The following LAMA4 variants were observed in gnomAD, a reference collection of about 807,000 sequenced individuals.
LAMA4 encodes laminin subunit alpha 4.
Under a neutral mutation model 207.1 loss-of-function variants are expected in LAMA4, and 127 were observed. That is an observed-to-expected ratio of 0.61 (90% CI 0.53 to 0.71). The LOEUF is 0.71. Among genes scored for constraint, LAMA4 ranks in the 30% least tolerant of loss-of-function variants. The probability of loss-of-function intolerance (pLI) is 0.00; values close to 1 mark genes in which losing one functional copy is unlikely to be tolerated. For synonymous variants in LAMA4, 761 were observed against 816.0 expected, an observed-to-expected ratio of 0.93 and a Z score of 1.15; for missense variants, 2,093 against 2,246.5, an observed-to-expected ratio of 0.93 and a Z score of 1.38.
In LAMA4 at chr6:112,112,682, G is replaced by A. The variant is rs1777771778; in HGVS notation, c.5326+1394C>T. 1.1e-4 allele frequency among the ~76,000 whole-genome samples: 17 copies of A among 152,250 alleles called. No individual in the cohort carries two copies. In the South Asian group the frequency reaches 3.5e-3, roughly 32 times the overall value. The stretch of plus-strand genomic sequence containing the variant: ...AGACAAAGGAGAAGAGTTGCTTTGC[G>A]AGGGTCTCAAATATTTTTTTTCACA... On this transcript the variant is annotated intron_variant, in intron 38 of 38. Coordinates refer to ENST00000230538, the MANE Select transcript of LAMA4 (RefSeq NM_001105206.3).
At chr6:112,160,706 T>A (rs1403066803) in intron 13 of LAMA4, among the ~76,000 whole-genome samples, 1 of 152,146 alleles carries the variant, frequency 6.6e-6, no homozygotes, top group Admixed American at 6.5e-5. Flanking sequence ...ATCTCCTGGG[T>A]CTCCTCTTTC....
intron 29 of LAMA4, chr6:112,130,300 T>TTGTGTGTGTGTGTGTGTGTGTG (rs35563593): frequency 3.7e-5 from 14 of 382,136 alleles, no homozygotes; most frequent in Non-Finnish European, 3.9e-5. Context: ...AGCATTATTT[T>TTGTGTGTGTGTGTGTGTGTGTG]TGTGTGTGTG....
At chr6:112,239,716 G>T (rs1178641750) in intron 2 of LAMA4, among the ~76,000 whole-genome samples, 3 of 152,126 alleles carry the variant, frequency 2.0e-5, no homozygotes, top group Non-Finnish European at 4.4e-5. Context: ...CACTATTTCA[G>T]ACAAATTGTT....
At chr6:112,206,263 A>G (rs1225972844) in intron 4 of LAMA4, among the ~76,000 whole-genome samples, 2 of 152,120 alleles carry the variant, frequency 1.3e-5, no homozygotes, top group African/African-American at 2.4e-5. Context: ...TGTGGAACTG[A>G]TCTCTTAATC....
intron 12 of LAMA4, among the ~76,000 whole-genome samples, chr6:112,171,362 A>G (rs1169691634): frequency 1.3e-5 from 2 of 152,172 alleles, no homozygotes; most frequent in African/African-American, 4.8e-5. Flanking sequence ...TTGCAGTCAG[A>G]CTGTGACTAA....
intron 2 of LAMA4, among the ~76,000 whole-genome samples, chr6:112,247,579 G>C (rs76671834): frequency 6.6e-6 from 1 of 152,332 alleles, no homozygotes; most frequent in East Asian, 1.9e-4. Flanking sequence ...CACTCTGGAA[G>C]AGGGATTCTT....
intron 1 of LAMA4, 31 bp from the exon 2 acceptor site, chr6:112,254,322 A>C: frequency 1.3e-6 from 1 of 742,658 alleles, no homozygotes; most frequent in Non-Finnish European, 2.3e-6. Flanking sequence ...TGCGAGAGTA[A>C]GGGAGAGTTC....
chr6:112,140,838 A>C lies in LAMA4; in HGVS notation c.2898T>G (p.Phe966Leu), dbSNP rs782296753. Residue 966 changes from phenylalanine to leucine, a missense_variant, in exon 22 of 39, where the codon TTT becomes TTG. Physicochemically the swap from Phe to Leu is conservative, Grantham distance 22. Coordinates refer to ENST00000230538, the MANE Select transcript of LAMA4 (RefSeq NM_001105206.3). Reference protein sequence around the residue: ...AEEKFIKKGEFSGDDSLLDLD... With the variant: ...AEEKFIKKGELSGDDSLLDLD... ...GGTCCAGCAGAGAGTCATCTCCCGA[A>C]AATTCCCCCTTTTTAATGAACTTTT... 1 of 1,614,080 alleles carries C rather than the reference A, an allele frequency of 6.2e-7. No homozygotes were observed. The highest frequency in any genetic ancestry group is 8.5e-7 in the Non-Finnish European group (1 of 1,179,972).
intron 29 of LAMA4, chr6:112,130,257 C>T (rs577163107): frequency 4.6e-5 from 26 of 566,198 alleles, no homozygotes; most frequent in Admixed American, 9.2e-5. Context: ...GAATTTAAAC[C>T]CGTAAGGCAA....
chr6:112,232,826 G>C (rs934104102), intron 2 of LAMA4, among the ~76,000 whole-genome samples: 2 of 152,138 alleles, frequency 1.3e-5, no homozygotes, highest in African/African-American at 2.4e-5. Flanking sequence ...AATGGGGAAG[G>C]CTGAGAGTAT....
intron 2 of LAMA4, among the ~76,000 whole-genome samples, chr6:112,239,766 T>C (rs1231747837): frequency 6.6e-6 from 1 of 152,176 alleles, no homozygotes; most frequent in Non-Finnish European, 1.5e-5. Context: ...TATGTTTCTT[T>C]AAGTCTGACT....
chr6:112,122,110 G>A lies in LAMA4; in HGVS notation c.4379C>T (p.Ser1460Phe), dbSNP rs1778396540. ...GTGCTCTATTGCTCTAGGGCTGTTG[G>A]AAAGGTGGCAATGAGAGTTTCTTGG... ...NTPRNSHCHL[S>F]NSPRAIEHAY... Residue 1460 changes from serine to phenylalanine, a missense_variant, in exon 32 of 39, where the codon TCC becomes TTC. By Grantham distance (155) the Ser-to-Phe change is radical (BLOSUM62 -2). Transcript: ENST00000230538. 1.2e-6 allele frequency: 2 copies of A among 1,613,786 alleles called. No individual in the cohort carries two copies. The highest frequency in any genetic ancestry group is 1.3e-5 in the African/African-American group (1 of 74,896).
In LAMA4 at chr6:112,185,220, A is replaced by AATAC; in HGVS notation, c.1077+13_1077+16dup. 6.7e-7 allele frequency: 1 copy of AATAC among 1,495,812 alleles called. No homozygotes were observed. Among genetic ancestry groups the AATAC allele is most frequent in the Non-Finnish European group, 9.3e-7 (1 of 1,072,414 alleles). 92.7% of individuals were successfully genotyped at this position (1,495,812 alleles called of 1,614,324 possible). ...TCTTTGAAGGCTGTCCCAGAAACTG[A>AATAC]ATACATACATACGTACCTTTTCAAC... On this transcript the variant is annotated intron_variant, in intron 9 of 38. Coordinates refer to ENST00000230538, the MANE Select transcript of LAMA4 (RefSeq NM_001105206.3).
At chr6:112,163,236 C>T (rs1217540747) in intron 13 of LAMA4, among the ~76,000 whole-genome samples, 1 of 152,104 alleles carries the variant, frequency 6.6e-6, no homozygotes, top group African/African-American at 2.4e-5. Flanking sequence ...CCACCTTGGC[C>T]TCCCAGAGTG....
chr6:112,122,168 G>C lies in LAMA4; in HGVS notation c.4321C>G (p.Pro1441Ala). ...GKSKDAPSWDPVALKLPERNT... is the reference protein window; with the variant it reads ...GKSKDAPSWDAVALKLPERNT... Reference sequence around the variant, plus strand: ...CGCTCTGGGAGTTTCAGAGCAACAGGATCCCATGAAGGTGCATCTTTACTT... The same window carrying C: ...CGCTCTGGGAGTTTCAGAGCAACAGCATCCCATGAAGGTGCATCTTTACTT... Residue 1441 changes from proline to alanine, a missense_variant, in exon 32 of 39, where the codon CCT becomes GCT. By Grantham distance (27) the Pro-to-Ala change is conservative. Around this residue, in one of 3 missense-constraint regions of LAMA4, gnomAD observed 1,704 missense variants for 1,788.4 expected, o/e 0.95. Transcript: ENST00000230538. 1 of 1,613,776 alleles carries C rather than the reference G, an allele frequency of 6.2e-7. No individual in the cohort carries two copies. The highest frequency in any genetic ancestry group is 2.2e-5 in the East Asian group (1 of 44,878).
chr6:112,183,327 A>G (rs1162197682), intron 9 of LAMA4, among the ~76,000 whole-genome samples: 3 of 152,150 alleles, frequency 2.0e-5, no homozygotes, highest in Non-Finnish European at 4.4e-5. Flanking sequence ...TTTGTTTTGA[A>G]ATGTTTCAGC....
At position 112,119,204 on chromosome 6, in the gene LAMA4, G is replaced by A; in HGVS notation, c.4773C>T (p.Pro1591=). ...PTEATWKIKG[P]IYLGGVAPGK... is the part of the protein sequence containing the mutation. The stretch of plus-strand genomic sequence containing the variant: ...CAGGAGCCACACCTCCCAAATAAAT[G>A]GGACCCTTGATTTTCCAGGTAGCTT... Residue 1591 remains proline, a synonymous_variant, in exon 34 of 39, where the codon CCC becomes CCT. Coordinates refer to ENST00000230538, the MANE Select transcript of LAMA4 (RefSeq NM_001105206.3). 3 of 1,613,986 alleles carry A rather than the reference G, an allele frequency of 1.9e-6. No individual in the cohort carries two copies. The highest frequency in any genetic ancestry group is 2.5e-6 in the Non-Finnish European group (3 of 1,179,938).
chr6:112,127,547 T>A (rs1051678259), intron 31 of LAMA4, among the ~76,000 whole-genome samples: 1 of 152,002 alleles, frequency 6.6e-6, no homozygotes, highest in Non-Finnish European at 1.5e-5. Flanking sequence ...TAGGAGGAGA[T>A]GAACTCAGGG....
chr6:112,145,448 G>A (rs115266976), intron 18 of LAMA4, among the ~76,000 whole-genome samples: 257 of 152,340 alleles, frequency 1.7e-3, no homozygotes, highest in African/African-American at 6.1e-3. Context: ...CCAGGAACTG[G>A]CTTGTACCTG....
Sources: allele counts gnomAD v4.1 joint callset (sites outside exome capture counted in the v4.1 genomes callset), GRCh38; gene constraint gnomAD v4.1.1; regional missense constraint gnomAD v4.1.1; transcripts MANE v1.5; gene names NCBI Gene and HGNC (gene_info 2026-07-23, HGNC 2026-07-21).